TTLL13: variants seen among roughly 807,000 people sequenced by gnomAD.
TTLL13 encodes tubulin tyrosine ligase like 13, also known as tubulin polyglutamylase TTLL13.
the TTLL13 span, chr15:90,265,281 G>A: frequency 5.7e-6 from 7 of 1,235,056 alleles, no homozygotes; most frequent in South Asian, 1.3e-4. Flanking sequence ...GGGGCTGGAG[G>A]CCATCCAGGA....
At chr15:90,262,070 C>T in the TTLL13 span, 6 of 1,536,012 alleles carry the variant, frequency 3.9e-6, no homozygotes, top group Non-Finnish European at 4.4e-6. Flanking sequence ...GGATTCTCAC[C>T]TGGGAAAATA....
the TTLL13 span, among the ~76,000 whole-genome samples, chr15:90,253,868 G>A: frequency 4.6e-5 from 7 of 152,170 alleles, no homozygotes; most frequent in African/African-American, 1.7e-4. Context: ...GGGCGTTTGT[G>A]GTGATCAGCA....
chr15:90,262,668 A>C, the TTLL13 span: 5 of 1,483,392 alleles, frequency 3.4e-6, no homozygotes, highest in Non-Finnish European at 4.4e-6. Flanking sequence ...TGGGAGAAAG[A>C]GGTGCCAGGG....
At chr15:90,265,452 C>G in the TTLL13 span, 1 of 1,341,208 alleles carries the variant, frequency 7.5e-7, no homozygotes, top group Non-Finnish European at 9.5e-7. Context: ...GGAATCCGTA[C>G]TTTAATTAAA....
the TTLL13 span, chr15:90,250,847 G>A: frequency 8.7e-6 from 14 of 1,614,108 alleles, no homozygotes; most frequent in South Asian, 3.3e-5. Flanking sequence ...TGACACAGGC[G>A]ACTTAGAAGC....
At chr15:90,251,399 C>T in the TTLL13 span, among the ~76,000 whole-genome samples, 2 of 150,798 alleles carry the variant, frequency 1.3e-5, no homozygotes, top group South Asian at 2.1e-4. Context: ...GCTGGGATTA[C>T]AGGCATGAGC....
At chr15:90,251,454 G>C in the TTLL13 span, 18 of 1,271,524 alleles carry the variant, frequency 1.4e-5, no homozygotes, top group Non-Finnish European at 2.1e-5. Context: ...GTGGCTTCTA[G>C]AGAAAAGGAA....
chr15:90,250,145 G>T, the TTLL13 span, among the ~76,000 whole-genome samples: 1 of 151,930 alleles, frequency 6.6e-6, no homozygotes, highest in South Asian at 2.1e-4. Context: ...TTTTAGGAGA[G>T]ACGGGATTTC....
chr15:90,252,924 A>C, the TTLL13 span, among the ~76,000 whole-genome samples: 4 of 152,114 alleles, frequency 2.6e-5, no homozygotes, highest in Admixed American at 2.6e-4. Context: ...AATCTCTTGA[A>C]CCTGGGAGGC....
chr15:90,251,737 G>C, the TTLL13 span: 1 of 788,978 alleles, frequency 1.3e-6, no homozygotes. Flanking sequence ...GAGCTTCCTA[G>C]GTGTCCTCTG....
the TTLL13 span, among the ~76,000 whole-genome samples, chr15:90,260,867 A>AG: frequency 6.0e-5 from 9 of 151,162 alleles, no homozygotes; most frequent in Non-Finnish European, 1.0e-4. Flanking sequence ...AAAAAAAAAA[A>AG]AGAGAGAAAG....
chr15:90,259,145 T>C, the TTLL13 span: 1 of 1,102,670 alleles, frequency 9.1e-7, no homozygotes, highest in Non-Finnish European at 1.2e-6. Flanking sequence ...GGAGGATTGC[T>C]TGAGCCCTAG....
At chr15:90,263,859 T>G in the TTLL13 span, 14 of 888,066 alleles carry the variant, frequency 1.6e-5, no homozygotes, top group Admixed American at 1.8e-4. Context: ...TGCATCCAGT[T>G]CTGCCCCATG....
At chr15:90,258,696 T>C in the TTLL13 span, 2 of 1,532,190 alleles carry the variant, frequency 1.3e-6, no homozygotes, top group East Asian at 4.5e-5. Flanking sequence ...GGCCACCACC[T>C]GCTCAGGTGG....
At chr15:90,259,281 T>G in the TTLL13 span, among the ~76,000 whole-genome samples, 1 of 152,016 alleles carries the variant, frequency 6.6e-6, no homozygotes, top group Admixed American at 6.6e-5. Context: ...TCCCAGCTAC[T>G]CAGGAGGCTG....
At chr15:90,256,012 CAAAGA>C in the TTLL13 span, 6 of 1,560,830 alleles carry the variant, frequency 3.8e-6, no homozygotes, top group Non-Finnish European at 5.2e-6. Context: ...TTCAGCTGGT[CAAAGA>C]AAAGAGGGTC....
the TTLL13 span, chr15:90,257,243 G>C: frequency 6.2e-7 from 1 of 1,614,068 alleles, no homozygotes; most frequent in South Asian, 1.1e-5. Context: ...AGCCCGTTTT[G>C]CCACCACGCC....
At chr15:90,250,830 C>T in the TTLL13 span, 17 of 1,614,050 alleles carry the variant, frequency 1.1e-5, no homozygotes, top group African/African-American at 1.5e-4. Flanking sequence ...AAAGTCATAG[C>T]CCCAGTTGAC....
the TTLL13 span, chr15:90,250,657 G>A: frequency 6.2e-7 from 1 of 1,614,080 alleles, no homozygotes; most frequent in Non-Finnish European, 8.5e-7. Context: ...GTAGGACCAT[G>A]GAATCAGAGG....
Sources: allele counts gnomAD v4.1 joint callset (sites outside exome capture counted in the v4.1 genomes callset), GRCh38; gene constraint gnomAD v4.1.1; transcripts MANE v1.5; gene names NCBI Gene and HGNC (gene_info 2026-07-23, HGNC 2026-07-21).